TRHDE: variants seen among roughly 807,000 people sequenced by gnomAD.
TRHDE encodes thyrotropin-releasing hormone-degrading ectoenzyme.
A neutral mutation model predicts 125.7 loss-of-function variants in TRHDE; 72 were observed. The observed-to-expected ratio is 0.57, with a 90% CI of 0.47 to 0.70. The LOEUF is 0.70. Ranked by LOEUF, TRHDE falls within the 30% of genes least tolerant of loss-of-function variation. The pLI, the probability that TRHDE is intolerant of heterozygous loss-of-function variation, is 0.00. For synonymous variants in TRHDE, 509 were observed against 509.1 expected, an observed-to-expected ratio of 1.00 and a Z score of 0.00; for missense variants, 1,110 against 1,327.1, an observed-to-expected ratio of 0.84 and a Z score of 2.54.
intron 2 of TRHDE, among the ~76,000 whole-genome samples, chr12:72,237,168 T>C (rs1157703832): frequency 6.6e-6 from 1 of 152,204 alleles, no homozygotes; most frequent in Non-Finnish European, 1.5e-5. Flanking sequence ...GATATTATCA[T>C]TCACTTTACA....
intron 1 of TRHDE, among the ~76,000 whole-genome samples, chr12:72,093,516 CT>C (rs1417075978): frequency 6.6e-6 from 1 of 151,994 alleles, no homozygotes; most frequent in Admixed American, 6.5e-5. Flanking sequence ...CCTTTTCATT[CT>C]TTTTTCTTTT....
intron 2 of TRHDE, among the ~76,000 whole-genome samples, chr12:72,265,816 A>G (rs1392047821): frequency 1.3e-5 from 2 of 151,996 alleles, no homozygotes; most frequent in South Asian, 2.1e-4. Flanking sequence ...TGGCAAAACT[A>G]TATATATTTT....
intron 2 of TRHDE, among the ~76,000 whole-genome samples, chr12:72,151,806 G>C (rs1338837685): frequency 6.6e-6 from 1 of 152,124 alleles, no homozygotes; most frequent in East Asian, 1.9e-4. Flanking sequence ...TAGCCTTGTA[G>C]TATAGTTTGA....
At chr12:72,541,216 C>T (rs568704197) in intron 6 of TRHDE, among the ~76,000 whole-genome samples, 7 of 151,576 alleles carry the variant, frequency 4.6e-5, no homozygotes, top group Admixed American at 6.6e-5. Flanking sequence ...TTTGTAACCC[C>T]GAATCCAGGC....
intron 15 of TRHDE, among the ~76,000 whole-genome samples, chr12:72,623,543 T>C (rs537716228): frequency 6.1e-4 from 93 of 152,172 alleles, no homozygotes; most frequent in African/African-American, 2.2e-3. Context: ...TACCATCTGG[T>C]AGCTGGAAAT....
At chr12:72,164,635 C>T (rs979149822) in intron 2 of TRHDE, among the ~76,000 whole-genome samples, 6 of 152,098 alleles carry the variant, frequency 3.9e-5, no homozygotes, top group Non-Finnish European at 5.9e-5. Context: ...CCAGCAGCAG[C>T]GAGCTGGACA....
intron 12 of TRHDE, among the ~76,000 whole-genome samples, chr12:72,579,498 C>G (rs7296349): frequency 0.27 from 40,421 of 151,906 alleles, 8,085 homozygotes; most frequent in East Asian, 0.54. Context: ...ATATATTTTG[C>G]ATGTTTTTGG....
At chr12:72,462,163 G>A (rs1356210834) in intron 3 of TRHDE, among the ~76,000 whole-genome samples, 8 of 152,188 alleles carry the variant, frequency 5.3e-5, no homozygotes, top group Admixed American at 5.2e-4. Context: ...TTGTGATTGA[G>A]ATGCTGCTAG....
At chr12:72,455,289 T>C (rs868858808) in intron 3 of TRHDE, among the ~76,000 whole-genome samples, 3 of 152,268 alleles carry the variant, frequency 2.0e-5, no homozygotes, top group African/African-American at 7.2e-5. Context: ...ATATGTGATC[T>C]GAAAATGCAG....
At chr12:72,328,637 A>G (rs951393332) in intron 2 of TRHDE, among the ~76,000 whole-genome samples, 1 of 152,092 alleles carries the variant, frequency 6.6e-6, no homozygotes, top group African/African-American at 2.4e-5. Flanking sequence ...TTTAGAGATA[A>G]ACTGTACTAC....
At chr12:72,136,191 T>C (rs779047104) in intron 2 of TRHDE, among the ~76,000 whole-genome samples, 1 of 152,204 alleles carries the variant, frequency 6.6e-6, no homozygotes, top group Non-Finnish European at 1.5e-5. Flanking sequence ...TATATGAACA[T>C]CTGCAAAATG....
intron 2 of TRHDE, among the ~76,000 whole-genome samples, chr12:72,207,614 G>A (rs567459822): frequency 6.6e-6 from 1 of 152,280 alleles, no homozygotes; most frequent in East Asian, 1.9e-4. Flanking sequence ...TGTCTATGTT[G>A]CCCTTTATTA....
At chr12:72,313,149 TAA>T (rs1217325307) in intron 2 of TRHDE, among the ~76,000 whole-genome samples, 1 of 152,142 alleles carries the variant, frequency 6.6e-6, no homozygotes, top group East Asian at 1.9e-4. Context: ...CTGGGCCAGA[TAA>T]ATAATTTTAC....
chr12:72,617,213 A>G (rs889912493), intron 12 of TRHDE, among the ~76,000 whole-genome samples: 1 of 152,114 alleles, frequency 6.6e-6, no homozygotes, highest in Non-Finnish European at 1.5e-5. Context: ...GTGAAATCTG[A>G]AGTTTGCTCA....
chr12:72,493,986 C>T (rs777943275), intron 5 of TRHDE, among the ~76,000 whole-genome samples: 19 of 152,014 alleles, frequency 1.2e-4, no homozygotes, highest in Non-Finnish European at 2.5e-4. Flanking sequence ...TTTGTTCTGT[C>T]CTACTTCTAT....
In TRHDE at chr12:72,666,606, C is replaced by G. The variant is rs1445316259; in HGVS notation, c.*3411C>G. The G allele has an allele frequency of 6.6e-6, 1 of 151,848 alleles. No homozygotes were observed. Among genetic ancestry groups the G allele is most frequent in the Non-Finnish European group, 1.5e-5 (1 of 67,938 alleles). The allele number at this position is 151,848 out of a possible 1,614,324, so 9.4% of individuals were successfully genotyped here. A position where few individuals can be genotyped will look rare whatever the true frequency, so the allele number is the denominator to read the frequency against. On this transcript the variant is annotated 3_prime_UTR_variant, in exon 19 of 19. Coordinates refer to ENST00000261180, the MANE Select transcript of TRHDE (RefSeq NM_013381.3). ...TTATTTTGGGAACCAATATAACAAC[C>G]TAAGTCTATCACAACATCATTCCCC...
intron 2 of TRHDE, among the ~76,000 whole-genome samples, chr12:72,305,049 A>G (rs1191301819): frequency 6.6e-6 from 1 of 152,200 alleles, no homozygotes; most frequent in Admixed American, 6.5e-5. Flanking sequence ...AGTAGATATT[A>G]ACTTTTTCTA....
intron 6 of TRHDE, among the ~76,000 whole-genome samples, chr12:72,532,316 ACT>A (rs1275954178): frequency 1.3e-5 from 2 of 151,102 alleles, no homozygotes; most frequent in East Asian, 3.9e-4. Context: ...TCTTTGCTAT[ACT>A]CTTTTATTGA....
chr12:72,338,207 A>G lies in TRHDE; in HGVS notation c.1189-39788A>G, dbSNP rs1208033058. Among the ~76,000 whole-genome samples the G allele has an allele frequency of 2.0e-5, 3 of 152,308 alleles. 1 individual carries two copies. Among genetic ancestry groups the G allele is most frequent in the Admixed American group, 2.0e-4 (3 of 15,294 alleles). On this transcript the variant is annotated intron_variant, in intron 2 of 18. Transcript: ENST00000261180. ...TTTCCTCTGAAGCTTTTTATTGCCA[A>G]TGTGAGAATCTATTCTACCATCCTG...
Sources: gnomAD v4.1 joint callset for allele counts (sites outside exome capture counted in the v4.1 genomes callset) on GRCh38, gnomAD v4.1.1 for gene constraint, MANE v1.5 for transcripts, NCBI Gene and HGNC (gene_info 2026-07-23, HGNC 2026-07-21) for gene names.